ARHGAP20: variants seen among roughly 807,000 people sequenced by gnomAD.
ARHGAP20 encodes the protein rho GTPase-activating protein 20.
Under a neutral mutation model 73.7 loss-of-function variants are expected in ARHGAP20, and 34 were observed. That is an observed-to-expected ratio of 0.46 (90% CI 0.35 to 0.61). ARHGAP20 has a LOEUF of 0.61. Among genes scored for constraint, ARHGAP20 ranks in the 20% least tolerant of loss-of-function variants. ARHGAP20 has a pLI of 0.00. For synonymous variants in ARHGAP20, 523 were observed against 518.2 expected, an observed-to-expected ratio of 1.01 and a Z score of -0.13; for missense variants, 1,314 against 1,420.9, an observed-to-expected ratio of 0.92 and a Z score of 1.21.
intron 2 of ARHGAP20, among the ~76,000 whole-genome samples, chr11:110,635,915 A>G (rs1379369065): frequency 6.6e-6 from 1 of 152,144 alleles, no homozygotes; most frequent in Admixed American, 6.6e-5. Flanking sequence ...GTTGAAACCG[A>G]GCAAGGACAA....
chr11:110,613,697 A>G lies in ARHGAP20; in HGVS notation c.630+864T>C, dbSNP rs148145627. Among the ~76,000 whole-genome samples the G allele has an allele frequency of 4.1e-3, 630 of 152,252 alleles. 4 individuals are homozygous for G. Among genetic ancestry groups the G allele is most frequent in the African/African-American group, 0.015 (605 of 41,564 alleles). ...TTACATTGCTACAGGAGATCTCTGT[A>G]GTCTCATACTATAAAAATTTGAGTA... is the stretch of plus-strand genomic sequence containing the variant. On this transcript the variant is annotated intron_variant, in intron 6 of 14. Transcript: ENST00000683387.
chr11:110,652,613 T>C (rs1038579950), intron 2 of ARHGAP20, among the ~76,000 whole-genome samples: 2 of 151,972 alleles, frequency 1.3e-5, no homozygotes, highest in Admixed American at 6.6e-5. Flanking sequence ...GAGAGCCAAA[T>C]CATGAATGAA....
At chr11:110,600,608 G>C (rs1382432113) in intron 9 of ARHGAP20, among the ~76,000 whole-genome samples, 2 of 152,248 alleles carry the variant, frequency 1.3e-5, no homozygotes, top group African/African-American at 4.8e-5. Flanking sequence ...AATGAACCCA[G>C]TGGCCTGAGC....
At chr11:110,645,971 G>T (rs768131153) in intron 2 of ARHGAP20, among the ~76,000 whole-genome samples, 1 of 151,924 alleles carries the variant, frequency 6.6e-6, no homozygotes, top group Admixed American at 6.6e-5. Context: ...TATTAGAAGG[G>T]GGAGAGAGGT....
chr11:110,602,213 C>T (rs991735996), intron 9 of ARHGAP20, among the ~76,000 whole-genome samples: 2 of 118,464 alleles, frequency 1.7e-5, no homozygotes, highest in Non-Finnish European at 3.3e-5. Context: ...TATCAGGATA[C>T]CACAACATCT....
In ARHGAP20 at chr11:110,580,551, C is replaced by G; in HGVS notation, c.2395G>C (p.Val799Leu). The change falls in exon 15 of 15, where the codon GTG becomes CTG. Residue 799 changes from valine (V) to leucine (L), a missense_variant. Transcript: ENST00000683387. ...HVKLFPKSKP[V>L]AISVASYSPM... is the part of the protein sequence containing the mutation. ...CTATAAGATGCCACAGAAATGGCCA[C>G]TGGCTTAGACTTAGGGAAAAGTTTC... 6.2e-7 allele frequency: 1 copy of G among 1,614,218 alleles called. No individual in the cohort carries two copies. Among genetic ancestry groups the G allele is most frequent in the African/African-American group, 1.3e-5 (1 of 75,056 alleles).
chr11:110,712,114 T>C lies in ARHGAP20; in HGVS notation c.105+13A>G. 7.6e-7 allele frequency: 1 copy of C among 1,320,930 alleles called. No individual in the cohort carries two copies. The highest frequency in any genetic ancestry group is 9.7e-7 in the Non-Finnish European group (1 of 1,030,608). The allele number at this position is 1,320,930 out of a possible 1,614,324, so 81.8% of individuals were successfully genotyped here. A position where few individuals can be genotyped will look rare whatever the true frequency, so the allele number is the denominator to read the frequency against. Reference sequence around the variant, plus strand: ...GGCGGCGGAGGGCACGGGCCCCCGCTCAGCGTCCTCACCTTCTTGGTGCAG... The same window carrying C: ...GGCGGCGGAGGGCACGGGCCCCCGCCCAGCGTCCTCACCTTCTTGGTGCAG... On this transcript the variant is annotated intron_variant, in intron 1 of 14. Transcript: ENST00000683387.
At position 110,644,997 on chromosome 11, in the gene ARHGAP20, T is replaced by TTCTCTCTCTCTCTCTCTCTCTCTC. The variant is rs71476091; in HGVS notation, c.189-14206_189-14205insGAGAGAGAGAGAGAGAGAGAGAGA. ...GTGAGCAAAGGACATGAACAGACAC[T>TTCTCTCTCTCTCTCTCTCTCTCTC]TCTCTCTCTCTCTCTCTCTTTTATT... On this transcript the variant is annotated intron_variant, in intron 2 of 14. Transcript: ENST00000683387. Among the ~76,000 whole-genome samples the TTCTCTCTCTCTCTCTCTCTCTCTC allele has an allele frequency of 1.6e-3, 242 of 150,506 alleles. 1 individual carries two copies. The highest frequency in any genetic ancestry group is 3.9e-3 in the Admixed American group (59 of 15,098).
At chr11:110,698,944 TTTTGTGCTAGC>T (rs1950391345) in intron 1 of ARHGAP20, among the ~76,000 whole-genome samples, 1 of 151,876 alleles carries the variant, frequency 6.6e-6, no homozygotes, top group South Asian at 2.1e-4. Flanking sequence ...TTATTTCTTT[TTTTGTGCTAGC>T]TTTGGGTTCC....
rs781577857 is a variant in ARHGAP20 at position 110,624,153 on chromosome 11, G to A, written c.503+9C>T. 1.2e-6 allele frequency: 2 copies of A among 1,607,752 alleles called. No homozygotes were observed. The highest frequency in any genetic ancestry group is 4.5e-5 in the East Asian group (2 of 44,638). ...CCCAGGTAAATAGAGGACAAGCTGTGGTTCTTACCTGAAAGTGGCCACAAA... is the reference window on the plus strand; with the variant it reads ...CCCAGGTAAATAGAGGACAAGCTGTAGTTCTTACCTGAAAGTGGCCACAAA... On this transcript the variant is annotated intron_variant, in intron 4 of 14. Coordinates refer to ENST00000683387, the MANE Select transcript of ARHGAP20 (RefSeq NM_001384657.1).
chr11:110,709,343 A>G (rs1950605015), intron 1 of ARHGAP20, among the ~76,000 whole-genome samples: 1 of 152,258 alleles, frequency 6.6e-6, no homozygotes, highest in African/African-American at 2.4e-5. Context: ...AAAATCTAAT[A>G]TATAGCAGAC....
At chr11:110,704,775 C>T (rs969923559) in intron 1 of ARHGAP20, among the ~76,000 whole-genome samples, 2 of 152,140 alleles carry the variant, frequency 1.3e-5, no homozygotes, top group African/African-American at 4.8e-5. Flanking sequence ...CTGAACACAT[C>T]AGGACCTCTA....
chr11:110,711,005 C>CAAAAAAAAAAA (rs11461759), intron 1 of ARHGAP20, among the ~76,000 whole-genome samples: 2 of 82,550 alleles, frequency 2.4e-5, no homozygotes, highest in Admixed American at 1.3e-4. Context: ...TAAGACAAGG[C>CAAAAAAAAAAA]AAAAAAAAAA....
At chr11:110,669,849 A>T (rs1365025174) in intron 2 of ARHGAP20, among the ~76,000 whole-genome samples, 2 of 152,176 alleles carry the variant, frequency 1.3e-5, no homozygotes, top group Admixed American at 1.3e-4. Context: ...GTACACACAA[A>T]TACTTGTACA....
chr11:110,654,179 C>T (rs962307171), intron 2 of ARHGAP20, among the ~76,000 whole-genome samples: 2 of 152,050 alleles, frequency 1.3e-5, no homozygotes, highest in Non-Finnish European at 2.9e-5. Flanking sequence ...ACCTGTACAT[C>T]CTGCACATGT....
Position 110,578,587 on chromosome 11 carries a change from C to T in ARHGAP20, c.*783G>A. 3 of 985,394 alleles carry T rather than the reference C, an allele frequency of 3.0e-6. No individual in the cohort carries two copies. The highest frequency in any genetic ancestry group is 3.6e-6 in the Non-Finnish European group (3 of 829,922). 61.0% of individuals were successfully genotyped at this position (985,394 alleles called of 1,614,324 possible). On this transcript the variant is annotated 3_prime_UTR_variant, in exon 15 of 15. Coordinates refer to ENST00000683387, the MANE Select transcript of ARHGAP20 (RefSeq NM_001384657.1). ...AGAAGTTGCATTTCTGAAGAATGTT[C>T]CTAGGCAGAGATACCTTTGAAAGGG...
At chr11:110,673,238 A>T (rs1949864774) in intron 2 of ARHGAP20, among the ~76,000 whole-genome samples, 2 of 152,210 alleles carry the variant, frequency 1.3e-5, no homozygotes, top group Non-Finnish European at 2.9e-5. Context: ...AACTAATAAG[A>T]AGAAATTTAC....
rs78754491 is a variant in ARHGAP20 at position 110,605,202 on chromosome 11, T to A, written c.964+1359A>T. Among the ~76,000 whole-genome samples the A allele has an allele frequency of 4.1e-3, 619 of 152,182 alleles. 5 individuals carry two copies. Among genetic ancestry groups the A allele is most frequent in the African/African-American group, 0.014 (573 of 41,512 alleles). The stretch of plus-strand genomic sequence containing the variant: ...AAAGATGGACACGGGGACTAACAGA[T>A]GGAGAAAGTGGTAGAGTTTAGTAGG... On this transcript the variant is annotated intron_variant, in intron 9 of 14. Transcript: ENST00000683387.
At chr11:110,710,250 T>C (rs987160862) in intron 1 of ARHGAP20, among the ~76,000 whole-genome samples, 1 of 152,210 alleles carries the variant, frequency 6.6e-6, no homozygotes, top group African/African-American at 2.4e-5. Context: ...TACTGGTTTG[T>C]TAATGTGTGA....
Sources: gnomAD v4.1 joint callset for allele counts (sites outside exome capture counted in the v4.1 genomes callset) on GRCh38, gnomAD v4.1.1 for gene constraint, MANE v1.5 for transcripts, NCBI Gene and HGNC (gene_info 2026-07-23, HGNC 2026-07-21) for gene names.